The following TSHZ2 variants were observed in gnomAD, a reference collection of about 807,000 sequenced individuals.
TSHZ2 encodes teashirt homolog 2.
TSHZ2 carries 21 observed loss-of-function variants against 74.4 expected under a neutral mutation model. That is an observed-to-expected ratio of 0.28 (90% CI 0.20 to 0.41). The LOEUF (loss-of-function observed/expected upper bound fraction) is 0.41. Ranked by LOEUF, TSHZ2 falls within the 10% of genes least tolerant of loss-of-function variation. TSHZ2 has a pLI of 1.00. For synonymous variants in TSHZ2, 540 were observed against 515.3 expected, an observed-to-expected ratio of 1.05 and a Z score of -0.65; for missense variants, 1,244 against 1,293.5, an observed-to-expected ratio of 0.96 and a Z score of 0.59.
At chr20:53,034,740 T>C (rs1276658745) in intron 1 of TSHZ2, among the ~76,000 whole-genome samples, 1 of 152,122 alleles carries the variant, frequency 6.6e-6, no homozygotes, top group Non-Finnish European at 1.5e-5. Context: ...AAGGCAGAAA[T>C]GTTTGCTCCA....
intron 1 of TSHZ2, among the ~76,000 whole-genome samples, chr20:53,234,633 T>C (rs1377094175): frequency 6.6e-6 from 1 of 152,136 alleles, no homozygotes; most frequent in South Asian, 2.1e-4. Context: ...GGAAATGATA[T>C]TTAGGCAAAG....
chr20:53,098,896 C>T (rs1986133338), intron 1 of TSHZ2, among the ~76,000 whole-genome samples: 1 of 152,168 alleles, frequency 6.6e-6, no homozygotes, highest in Non-Finnish European at 1.5e-5. Flanking sequence ...GTCTTAAGGC[C>T]AGGGTTGTGG....
chr20:53,271,866 G>C (rs1990847715), intron 2 of TSHZ2, among the ~76,000 whole-genome samples: 1 of 152,196 alleles, frequency 6.6e-6, no homozygotes, highest in Admixed American at 6.5e-5. Flanking sequence ...TGGTGGATGT[G>C]CATACAATGG....
chr20:53,024,397 A>C (rs566963248), intron 1 of TSHZ2, among the ~76,000 whole-genome samples: 1 of 151,554 alleles, frequency 6.6e-6, no homozygotes, highest in Admixed American at 6.6e-5. Context: ...AACAGGATAC[A>C]TAAAAGGTGG....
chr20:53,127,387 T>C (rs534836887), intron 1 of TSHZ2, among the ~76,000 whole-genome samples: 3 of 152,226 alleles, frequency 2.0e-5, no homozygotes, highest in African/African-American at 7.2e-5. Context: ...ATAAAAACAT[T>C]GTAACAAGGG....
intron 1 of TSHZ2, among the ~76,000 whole-genome samples, chr20:53,230,869 G>A (rs1369899764): frequency 6.6e-6 from 1 of 151,762 alleles, no homozygotes. Context: ...TCCAGCCCAG[G>A]TGAGACTCCA....
At chr20:53,278,673 A>C (rs1250901953) in intron 2 of TSHZ2, among the ~76,000 whole-genome samples, 1 of 152,108 alleles carries the variant, frequency 6.6e-6, no homozygotes, top group Non-Finnish European at 1.5e-5. Context: ...CCTTATATTA[A>C]TCTTTCTTAT....
chr20:53,266,805 C>T (rs1600777910), intron 2 of TSHZ2, among the ~76,000 whole-genome samples: 1 of 139,764 alleles, frequency 7.2e-6, no homozygotes, highest in Non-Finnish European at 1.5e-5. Flanking sequence ...TGAGACAGAG[C>T]CTCACTCTGT....
At chr20:53,319,794 A>G (rs950975072) in intron 2 of TSHZ2, among the ~76,000 whole-genome samples, 1 of 152,242 alleles carries the variant, frequency 6.6e-6, no homozygotes, top group Non-Finnish European at 1.5e-5. Flanking sequence ...CACTCACCCA[A>G]AGCCTAGAGC....
chr20:53,320,033 A>T (rs1313419360), intron 2 of TSHZ2, among the ~76,000 whole-genome samples: 1 of 152,140 alleles, frequency 6.6e-6, no homozygotes, highest in Non-Finnish European at 1.5e-5. Flanking sequence ...CATCAACCTA[A>T]ACCTCAATGG....
At chr20:53,225,771 A>G (rs1989670785) in intron 1 of TSHZ2, among the ~76,000 whole-genome samples, 1 of 152,176 alleles carries the variant, frequency 6.6e-6, no homozygotes, top group African/African-American at 2.4e-5. Flanking sequence ...GTCTCTTTCC[A>G]TGATGTCCGG....
chr20:53,205,627 T>C (rs1195799742), intron 1 of TSHZ2, among the ~76,000 whole-genome samples: 1 of 152,170 alleles, frequency 6.6e-6, no homozygotes, highest in Non-Finnish European at 1.5e-5. Flanking sequence ...TTCCTAGACA[T>C]GAGATCCGAG....
At chr20:52,989,140 G>T (rs1981880301) in intron 1 of TSHZ2, among the ~76,000 whole-genome samples, 1 of 133,228 alleles carries the variant, frequency 7.5e-6, no homozygotes. Flanking sequence ...GTCTACACCA[G>T]AAATCATGAT....
chr20:53,327,072 T>C (rs116727385), intron 2 of TSHZ2, among the ~76,000 whole-genome samples: 36 of 152,342 alleles, frequency 2.4e-4, no homozygotes, highest in African/African-American at 8.4e-4. Flanking sequence ...TAAAGTCTGA[T>C]GAGGACATAG....
chr20:53,366,610 G>A (rs756093421), intron 2 of TSHZ2, among the ~76,000 whole-genome samples: 5 of 152,162 alleles, frequency 3.3e-5, no homozygotes, highest in Non-Finnish European at 7.3e-5. Flanking sequence ...GCTTTCCCTT[G>A]TAAGGCTGCT....
intron 1 of TSHZ2, among the ~76,000 whole-genome samples, chr20:52,981,325 A>G (rs2122878965): frequency 6.6e-6 from 1 of 152,322 alleles, no homozygotes; most frequent in South Asian, 2.1e-4. Flanking sequence ...TCAAGTCTCT[A>G]GGTCTAATTC....
At chr20:53,170,954 TAAAA>T (rs11398230) in intron 1 of TSHZ2, among the ~76,000 whole-genome samples, 5 of 144,540 alleles carry the variant, frequency 3.5e-5, no homozygotes, top group Admixed American at 6.9e-5. Flanking sequence ...AAAAAGTAAT[TAAAA>T]AAAAAAAACA....
chr20:53,493,811 A>T lies in TSHZ2; in HGVS notation c.*6676A>T, dbSNP rs531207747. The T allele has an allele frequency of 6.6e-6, 1 of 152,162 alleles. No homozygotes were observed. Among genetic ancestry groups the T allele is most frequent in the South Asian group, 2.1e-4 (1 of 4,820 alleles). 9.4% of individuals were successfully genotyped at this position (152,162 alleles called of 1,614,324 possible). On this transcript the variant is annotated 3_prime_UTR_variant, in exon 3 of 3. Transcript: ENST00000371497. ...CCAAACAGATTCATCACAGATAGGCATCTATGCCCATTTCTCTGGGATCTG... is the reference window on the plus strand; with the variant it reads ...CCAAACAGATTCATCACAGATAGGCTTCTATGCCCATTTCTCTGGGATCTG...
chr20:53,178,451 T>C (rs1384308531), intron 1 of TSHZ2: 3 of 152,274 alleles, frequency 2.0e-5, no homozygotes, highest in African/African-American at 4.8e-5. Context: ...AGCCCCTGAC[T>C]CCTCTTGATT....
Sources: gnomAD v4.1 joint callset for allele counts (sites outside exome capture counted in the v4.1 genomes callset) on GRCh38, gnomAD v4.1.1 for gene constraint, MANE v1.5 for transcripts, NCBI Gene and HGNC (gene_info 2026-07-23, HGNC 2026-07-21) for gene names.